Variants in NCOR2 observed in about 807,000 individuals in gnomAD.
NCOR2 encodes the protein CTG repeat protein 26.
In NCOR2, 81 loss-of-function variants were observed where a neutral mutation model predicts 262.9. The ratio of observed to expected loss-of-function variants is 0.31; its 90% confidence interval spans 0.26 to 0.37. The LOEUF is 0.37. Among genes scored for constraint, NCOR2 ranks in the 10% least tolerant of loss-of-function variants. The pLI is 1.00. For missense variants in NCOR2, 3,385 were observed against 3,621.4 expected, an observed-to-expected ratio of 0.93 and a Z score of 1.68; for synonymous variants, 1,659 against 1,559.3, an observed-to-expected ratio of 1.06 and a Z score of -1.51.
intron 1 of NCOR2, among the ~76,000 whole-genome samples, chr12:124,502,514 C>G (rs1312461893): frequency 1.3e-5 from 2 of 151,902 alleles, no homozygotes; most frequent in African/African-American, 4.8e-5. Context: ...GCAAAGGCGC[C>G]GGGGAGAGGA....
chr12:124,554,875 G>A (rs912071207), intron 1 of NCOR2, among the ~76,000 whole-genome samples: 25 of 152,252 alleles, frequency 1.6e-4, no homozygotes, highest in African/African-American at 5.1e-4. Context: ...AGAGCTGGCC[G>A]CAGCCTGGGA....
intron 1 of NCOR2, among the ~76,000 whole-genome samples, chr12:124,545,499 CCACCGACA>C (rs2051512696): frequency 6.6e-6 from 1 of 152,186 alleles, no homozygotes; most frequent in Non-Finnish European, 1.5e-5. Context: ...CCACACCAAC[CCACCGACA>C]CACGGGGACC....
chr12:124,340,550 C>G, intron 35 of NCOR2, 52 bp downstream of exon 37: 4 of 1,527,448 alleles, frequency 2.6e-6, no homozygotes, highest in Admixed American at 3.9e-5. Flanking sequence ...CATCCCCCAG[C>G]CGCCTCCCAT....
At chr12:124,445,426 C>T (rs970232631) in intron 7 of NCOR2, among the ~76,000 whole-genome samples, 3 of 152,214 alleles carry the variant, frequency 2.0e-5, no homozygotes, top group Admixed American at 1.3e-4. Context: ...GCGGCGGAGG[C>T]GGCTACGGGC....
At chr12:124,325,681 T>C in intron 46 of NCOR2, 98 bp from the exon 49 acceptor site, 1 of 823,676 alleles carries the variant, frequency 1.2e-6, no homozygotes, top group Non-Finnish European at 1.7e-6. Context: ...GCCTCAGCGT[T>C]TCTGTCCAAC....
At chr12:124,395,689 G>A (rs1429119482) in intron 16 of NCOR2, among the ~76,000 whole-genome samples, 1 of 152,156 alleles carries the variant, frequency 6.6e-6, no homozygotes, top group African/African-American at 2.4e-5. Flanking sequence ...CTCAGGCAAT[G>A]GGCGGTGGGG....
At chr12:124,332,164 G>T (rs1230881695) in intron 43 of NCOR2, 155 bp downstream of exon 45, 2 of 892,002 alleles carry the variant, frequency 2.2e-6, no homozygotes, top group Non-Finnish European at 3.3e-6. Flanking sequence ...CTCCCCAAAT[G>T]TGAGGCAAAG....
intron 43 of NCOR2, among the ~76,000 whole-genome samples, chr12:124,331,245 T>A (rs1351674566): frequency 1.3e-5 from 2 of 152,032 alleles, no homozygotes; most frequent in African/African-American, 4.8e-5. Context: ...GTATTTTTAG[T>A]AGAGACGGGG....
chr12:124,344,143 C>A (rs2036711693), intron 32 of NCOR2, among the ~76,000 whole-genome samples: 1 of 152,120 alleles, frequency 6.6e-6, no homozygotes. Flanking sequence ...TAAGCATGGC[C>A]AGGGAACAAA....
chr12:124,390,734 C>A (rs975911858), intron 16 of NCOR2, among the ~76,000 whole-genome samples: 1 of 152,250 alleles, frequency 6.6e-6, no homozygotes, highest in Admixed American at 6.5e-5. Context: ...CAGGCACACG[C>A]CCCCAACACT....
chr12:124,415,513 G>A lies in NCOR2; in HGVS notation c.1482+4444C>T, dbSNP rs113633034. ...CCCGTGGTTGTGAACCAGGCCTGTG[G>A]GGGGTGGCAGGGCCCAGGCCACGCC... On this transcript the variant is annotated intron_variant, in intron 13 of 46. Coordinates refer to ENST00000405201, the Ensembl canonical transcript of NCOR2. 2.6e-5 allele frequency among the ~76,000 whole-genome samples: 4 copies of A among 152,360 alleles called. No individual in the cohort carries two copies. In the South Asian group the frequency reaches 8.3e-4, roughly 32 times the overall value.
rs115362375 is a variant in NCOR2, at chr12:124,379,231, G to A, written c.2020-847C>T. Among the ~76,000 whole-genome samples, 465 of 152,158 alleles carry A rather than the reference G, an allele frequency of 3.1e-3. 2 individuals are homozygous for A. Among genetic ancestry groups the A allele is most frequent in the African/African-American group, 0.011 (438 of 41,514 alleles). On this transcript the variant is annotated intron_variant, in intron 17 of 46. Coordinates refer to ENST00000405201, the Ensembl canonical transcript of NCOR2. ...CCAGGAATGGAAAGAAGCCCTCATC[G>A]TCGGGCCTCCACTTTCCCCGCACCG...
At chr12:124,449,771 C>T (rs1454061602) in intron 7 of NCOR2, 44 bp downstream of exon 9, 7 of 1,608,214 alleles carry the variant, frequency 4.4e-6, no homozygotes, top group Non-Finnish European at 6.0e-6. Flanking sequence ...CCTGCTCGCC[C>T]ACCCTGCCTC....
Position 124,457,692 on chromosome 12 carries a change from G to C in NCOR2, c.706-530C>G, listed in dbSNP as rs542545874. ...CATGTGATTATTTCTGGGCTGCCCCGGGGCCTCCCCGCCTCCTCCCCACTC... is the reference window on the plus strand; with the variant it reads ...CATGTGATTATTTCTGGGCTGCCCCCGGGCCTCCCCGCCTCCTCCCCACTC... On this transcript the variant is annotated intron_variant, in intron 5 of 46. Coordinates refer to ENST00000405201, the Ensembl canonical transcript of NCOR2. The surrounding 1 kb of genome is among the most constrained non-coding windows in gnomAD (Gnocchi z 4.0). 6.6e-6 allele frequency among the ~76,000 whole-genome samples: 1 copy of C among 152,306 alleles called. No individual in the cohort carries two copies. Among genetic ancestry groups the C allele is most frequent in the Non-Finnish European group, 1.5e-5 (1 of 68,026 alleles).
chr12:124,374,332 G>T lies in NCOR2; in HGVS notation c.2218+81C>A. On this transcript the variant is annotated intron_variant, in intron 19 of 46. Transcript: ENST00000405201. Reference sequence around the variant, plus strand: ...AAAGAGGCATGTGCTCAGAAGCGGGGTTCCTTGTGGAGGACCGGGGACCTT... The same window carrying T: ...AAAGAGGCATGTGCTCAGAAGCGGGTTTCCTTGTGGAGGACCGGGGACCTT... The T allele has an allele frequency of 4.9e-6, 7 of 1,424,868 alleles. No individual in the cohort carries two copies. In the Admixed American group the frequency reaches 1.1e-4, roughly 21 times the overall value. 88.3% of individuals were successfully genotyped at this position (1,424,868 alleles called of 1,614,324 possible).
chr12:124,514,065 G>C (rs796128514), intron 1 of NCOR2: 1 of 152,280 alleles, frequency 6.6e-6, no homozygotes, highest in Non-Finnish European at 1.5e-5. Flanking sequence ...ACAAAATCCT[G>C]GATGGAGGGG....
At chr12:124,439,240 C>A (rs1480419403) in intron 7 of NCOR2, among the ~76,000 whole-genome samples, 1 of 135,900 alleles carries the variant, frequency 7.4e-6, no homozygotes, top group Admixed American at 7.4e-5. Flanking sequence ...CAGAGGGAGA[C>A]AGAGACCCAG....
intron 5 of NCOR2, among the ~76,000 whole-genome samples, chr12:124,460,149 T>C (rs2046090784): frequency 6.6e-6 from 1 of 152,230 alleles, no homozygotes; most frequent in South Asian, 2.1e-4. Flanking sequence ...CTGTTTATCT[T>C]ACTGGCCACC....
At chr12:124,494,755 C>T (rs2048288763) in intron 1 of NCOR2, among the ~76,000 whole-genome samples, 2 of 152,194 alleles carry the variant, frequency 1.3e-5, no homozygotes, top group Non-Finnish European at 2.9e-5. Flanking sequence ...GTGACCTATC[C>T]GGCCCCCTTG....
Sources: gnomAD v4.1 joint callset for allele counts (sites outside exome capture counted in the v4.1 genomes callset) on GRCh38, gnomAD v4.1.1 for gene constraint, Gnocchi (gnomAD v3.1) non-coding constraint, MANE v1.5 for transcripts, NCBI Gene and HGNC (gene_info 2026-07-23, HGNC 2026-07-21) for gene names.